The following NCALD variants were observed in gnomAD, a reference collection of about 807,000 sequenced individuals.
NCALD encodes the protein neurocalcin-delta.
A neutral mutation model predicts 18.6 loss-of-function variants in NCALD; 10 were observed. The observed-to-expected ratio is 0.54, with a 90% CI of 0.33 to 0.91. The LOEUF (loss-of-function observed/expected upper bound fraction) is 0.91, where lower values mean the gene tolerates loss of function less well. Ranked by LOEUF, NCALD falls within the 40% of genes least tolerant of loss-of-function variation. NCALD has a pLI of 0.03. For synonymous variants in NCALD, 88 were observed against 87.4 expected (o/e 1.01, Z -0.04); for missense variants, 184 against 247.6 (o/e 0.74, Z 1.72).
chr8:101,860,724 G>A (rs1023177299), intron 4 of NCALD, among the ~76,000 whole-genome samples: 3 of 152,142 alleles, frequency 2.0e-5, no homozygotes, highest in African/African-American at 7.2e-5. Context: ...GAGAAGGTGT[G>A]CACTGGAGAA....
chr8:102,072,938 T>TCTC (rs1824225689), intron 1 of NCALD, among the ~76,000 whole-genome samples: 1 of 152,188 alleles, frequency 6.6e-6, no homozygotes, highest in African/African-American at 2.4e-5. Flanking sequence ...GTAAAATTCT[T>TCTC]AACATTTTCT....
At chr8:101,793,931 C>A (rs749050964), upstream of NCALD, among the ~76,000 whole-genome samples, 17 of 152,134 alleles carry the variant, frequency 1.1e-4, no homozygotes, top group Non-Finnish European at 2.1e-4. Flanking sequence ...CAATTCTAAC[C>A]AGTCTTTTGT....
At chr8:101,760,525 G>A (rs1220804555) in intron 1 of NCALD, among the ~76,000 whole-genome samples, 1 of 152,190 alleles carries the variant, frequency 6.6e-6, no homozygotes, top group Non-Finnish European at 1.5e-5. Flanking sequence ...GAGAGCGTCT[G>A]GCTGTCTTAA....
chr8:101,810,301 T>C lies in NCALD; in HGVS notation c.-20+76840A>G, dbSNP rs76183718. Among the ~76,000 whole-genome samples, 510 of 152,336 alleles carry C rather than the reference T, an allele frequency of 3.3e-3. 4 individuals are homozygous for C. The highest frequency in any genetic ancestry group is 0.025 in the Admixed American group (386 of 15,304). The stretch of plus-strand genomic sequence containing the variant: ...TTGTATTGTCTGTAAGTTGGCAATA[T>C]TTGTAACTACCTTGCACGGTGGTTA... On this transcript the variant is annotated intron_variant, in intron 4 of 6. Transcript: ENST00000311028.
intron 1 of NCALD, among the ~76,000 whole-genome samples, chr8:101,725,531 C>A: frequency 6.6e-6 from 1 of 152,158 alleles, no homozygotes; most frequent in East Asian, 1.9e-4. Flanking sequence ...ACCAAGAGGG[C>A]AGGGTGTAAA....
intron 1 of NCALD, among the ~76,000 whole-genome samples, chr8:101,782,314 C>T (rs111300949): frequency 0.013 from 1,924 of 152,044 alleles, 41 homozygotes; most frequent in African/African-American, 0.04. Flanking sequence ...CTCACACCTA[C>T]GGAGGGCAAA....
intron 3 of NCALD, among the ~76,000 whole-genome samples, chr8:101,889,315 G>A (rs1169970370): frequency 6.6e-6 from 1 of 152,214 alleles, no homozygotes; most frequent in Non-Finnish European, 1.5e-5. Context: ...ATTTGGTTAA[G>A]CCACTGTAGA....
intron 3 of NCALD, chr8:101,691,963 A>G (rs756280632): frequency 7.1e-6 from 7 of 985,312 alleles, no homozygotes; most frequent in Admixed American, 1.2e-4. Context: ...AAACTCAAGT[A>G]TAACATTTAA....
chr8:101,771,423 A>G (rs375389996), intron 1 of NCALD, among the ~76,000 whole-genome samples: 1 of 152,238 alleles, frequency 6.6e-6, no homozygotes, highest in East Asian at 1.9e-4. Flanking sequence ...AAAACAGTCA[A>G]GGAAAATAGC....
intron 4 of NCALD, among the ~76,000 whole-genome samples, chr8:101,875,827 T>A (rs1816206516): frequency 6.6e-6 from 1 of 152,130 alleles, no homozygotes; most frequent in Admixed American, 6.5e-5. Context: ...CTAAAGAACC[T>A]CCACATGTCC....
chr8:101,929,228 A>AAGGAGGAGG (rs372903829), intron 2 of NCALD, among the ~76,000 whole-genome samples: 20 of 108,782 alleles, frequency 1.8e-4, no homozygotes, highest in African/African-American at 7.6e-4. Context: ...GAAGGGGAAG[A>AAGGAGGAGG]AGGAGGAGGA....
At chr8:101,824,168 G>T (rs1283956450) in intron 4 of NCALD, among the ~76,000 whole-genome samples, 1 of 152,150 alleles carries the variant, frequency 6.6e-6, no homozygotes, top group Non-Finnish European at 1.5e-5. Flanking sequence ...TCCTGGCCCA[G>T]TCCCAACCTT....
At chr8:101,795,320 C>A (rs980998887), upstream of NCALD, among the ~76,000 whole-genome samples, 3 of 152,114 alleles carry the variant, frequency 2.0e-5, no homozygotes, top group East Asian at 5.8e-4. Flanking sequence ...CGTCTTATTC[C>A]ATTTGGACTG....
chr8:102,077,160 G>A (rs1824374060), intron 1 of NCALD, among the ~76,000 whole-genome samples: 1 of 152,168 alleles, frequency 6.6e-6, no homozygotes, highest in Admixed American at 6.5e-5. Flanking sequence ...GGGTGGAATT[G>A]CTAGTATGAG....
chr8:101,777,999 C>G (rs759627877), intron 1 of NCALD, among the ~76,000 whole-genome samples: 9 of 152,188 alleles, frequency 5.9e-5, no homozygotes, highest in Non-Finnish European at 1.3e-4. Context: ...GGAGAAGGAA[C>G]AGTCAAGGCA....
intron 4 of NCALD, among the ~76,000 whole-genome samples, chr8:101,867,687 C>T (rs1815830147): frequency 6.6e-6 from 1 of 152,150 alleles, no homozygotes; most frequent in Admixed American, 6.5e-5. Flanking sequence ...ATTGCCATAT[C>T]GTGGACATTT....
chr8:101,927,721 G>A (rs1818389488), intron 2 of NCALD, among the ~76,000 whole-genome samples: 1 of 152,110 alleles, frequency 6.6e-6, no homozygotes, highest in Non-Finnish European at 1.5e-5. Flanking sequence ...TGAAATTCAG[G>A]CAGTTGTGTC....
At chr8:101,913,421 A>G (rs1331478060) in intron 3 of NCALD, among the ~76,000 whole-genome samples, 1 of 152,196 alleles carries the variant, frequency 6.6e-6, no homozygotes, top group Non-Finnish European at 1.5e-5. Context: ...ATCATTCTCC[A>G]TGAGTGAGTC....
intron 1 of NCALD, among the ~76,000 whole-genome samples, chr8:102,059,801 G>C (rs2132253640): frequency 6.6e-6 from 1 of 152,208 alleles, no homozygotes; most frequent in African/African-American, 2.4e-5. Flanking sequence ...ACAGATTTTG[G>C]GGTTCTTGGT....
Sources: allele counts gnomAD v4.1 joint callset (sites outside exome capture counted in the v4.1 genomes callset), GRCh38; gene constraint gnomAD v4.1.1; transcripts MANE v1.5; gene names NCBI Gene and HGNC (gene_info 2026-07-23, HGNC 2026-07-21).